The following OTOGL variants were observed in gnomAD, a reference collection of about 807,000 sequenced individuals.
OTOGL encodes otogelin-like protein.
A neutral mutation model predicts 318.5 loss-of-function variants in OTOGL; 285 were observed. That is an observed-to-expected ratio of 0.89 (90% CI 0.81 to 0.99). The LOEUF (loss-of-function observed/expected upper bound fraction) is 0.99, where lower values mean the gene tolerates loss of function less well. OTOGL is among the 50% of genes least tolerant of loss of function. The probability of loss-of-function intolerance (pLI) is 0.00; values close to 1 mark genes in which losing one functional copy is unlikely to be tolerated. For missense variants in OTOGL, 2,899 were observed against 2,845.6 expected, an observed-to-expected ratio of 1.02 and a Z score of -0.43; for synonymous variants, 987 against 936.5, an observed-to-expected ratio of 1.05 and a Z score of -0.99.
intron 1 of OTOGL, among the ~76,000 whole-genome samples, chr12:80,107,503 G>A (rs1231003252): frequency 1.3e-5 from 2 of 152,124 alleles, no homozygotes; most frequent in Admixed American, 6.5e-5. Flanking sequence ...TGCTGGTGGG[G>A]ATGTAAATTA....
chr12:80,139,601 C>T (rs941135568), intron 1 of OTOGL, among the ~76,000 whole-genome samples: 21 of 152,158 alleles, frequency 1.4e-4, no homozygotes, highest in Admixed American at 7.9e-4. Flanking sequence ...TCATATTCTG[C>T]TTTGATTTCA....
chr12:80,170,523 T>G (rs1440957067), intron 1 of OTOGL, among the ~76,000 whole-genome samples: 2 of 151,986 alleles, frequency 1.3e-5, no homozygotes, highest in African/African-American at 4.8e-5. Context: ...AACCTCTGTC[T>G]CCTGAGTTCA....
intron 35 of OTOGL, among the ~76,000 whole-genome samples, chr12:80,324,997 G>A (rs1292322229): frequency 1.3e-5 from 2 of 151,838 alleles, no homozygotes; most frequent in South Asian, 2.1e-4. Context: ...CAGAAAATAG[G>A]AAGAGACAAA....
intron 1 of OTOGL, among the ~76,000 whole-genome samples, chr12:80,129,050 C>T (rs113202014): frequency 1.2e-4 from 18 of 152,302 alleles, no homozygotes; most frequent in African/African-American, 4.1e-4. Context: ...CACTGTCCTG[C>T]ACCCACTGTC....
At chr12:80,309,071 C>A (rs913978739) in intron 29 of OTOGL, among the ~76,000 whole-genome samples, 7 of 151,872 alleles carry the variant, frequency 4.6e-5, no homozygotes, top group African/African-American at 9.7e-5. Flanking sequence ...AATTTTAAAC[C>A]GCCTCAAAAT....
intron 8 of OTOGL, among the ~76,000 whole-genome samples, chr12:80,232,081 T>C (rs1188566346): frequency 6.6e-6 from 1 of 152,226 alleles, no homozygotes; most frequent in Admixed American, 6.5e-5. Flanking sequence ...AATTGTTTAG[T>C]TCTCTTCAGT....
chr12:80,349,279 T>C (rs1889393186), intron 44 of OTOGL, among the ~76,000 whole-genome samples: 1 of 152,198 alleles, frequency 6.6e-6, no homozygotes, highest in Non-Finnish European at 1.5e-5. Context: ...CAGGTTTTTT[T>C]CTGTACATTT....
chr12:80,355,768 G>C lies in OTOGL; in HGVS notation c.5626G>C (p.Ala1876Pro), dbSNP rs761370764. ...TGATAGTGAAGACCAACCCCGCACT[G>C]CTGGGGAGATTTGGAATGGGGGCAT... ...CTDSEDQPRT[A>P]GEIWNGGIDE... Residue 1876 changes from alanine (A) to proline (P), a missense_variant, in exon 47 of 59, where the codon GCT (alanine) becomes CCT (proline). Ala to Pro is a conservative substitution (Grantham distance 27, BLOSUM62 -1). Transcript: ENST00000547103. The C allele has an allele frequency of 1.1e-5, 18 of 1,613,644 alleles. No individual in the cohort carries two copies. In the Admixed American group the frequency reaches 2.8e-4, roughly 25 times the overall value.
chr12:80,179,440 C>T (rs576952364), intron 1 of OTOGL, among the ~76,000 whole-genome samples: 1 of 152,108 alleles, frequency 6.6e-6, no homozygotes, highest in African/African-American at 2.4e-5. Context: ...TCTTAAATAC[C>T]TTTTAAAAAA....
At chr12:80,145,124 C>T (rs1872254593) in intron 1 of OTOGL, among the ~76,000 whole-genome samples, 1 of 151,220 alleles carries the variant, frequency 6.6e-6, no homozygotes, top group Admixed American at 6.6e-5. Flanking sequence ...GACATGAAGT[C>T]CTTGCCCATG....
intron 19 of OTOGL, among the ~76,000 whole-genome samples, 180 bp from the exon 20 acceptor site, chr12:80,264,821 G>A (rs1882817363): frequency 6.6e-6 from 1 of 151,950 alleles, no homozygotes; most frequent in Non-Finnish European, 1.5e-5. Context: ...TGTTGAATGT[G>A]GATTAAGTGC....
chr12:80,256,516 A>ACAAG, intron 17 of OTOGL, 56 bp downstream of exon 17: 1 of 1,512,836 alleles, frequency 6.6e-7, no homozygotes, highest in Non-Finnish European at 8.8e-7. Context: ...AAACAAACAA[A>ACAAG]CAAACAACAC....
At chr12:80,275,394 A>T (rs1347829700) in intron 24 of OTOGL, among the ~76,000 whole-genome samples, 1 of 151,948 alleles carries the variant, frequency 6.6e-6, no homozygotes, top group Non-Finnish European at 1.5e-5. Flanking sequence ...TGAAGATATG[A>T]CTGATTTGCT....
intron 22 of OTOGL, among the ~76,000 whole-genome samples, chr12:80,269,803 TTG>T (rs1445367838): frequency 6.6e-6 from 1 of 152,180 alleles, no homozygotes; most frequent in Non-Finnish European, 1.5e-5. Context: ...CATTATTTAT[TTG>T]TGTGTCTTCC....
chr12:80,322,791 G>A (rs181928620), intron 34 of OTOGL, among the ~76,000 whole-genome samples: 3 of 152,164 alleles, frequency 2.0e-5, no homozygotes, highest in Admixed American at 2.0e-4. Flanking sequence ...ATATTTTGTT[G>A]TATTCAAACA....
Position 80,377,119 on chromosome 12 carries a change from T to C in OTOGL, c.6782-4T>C, listed in dbSNP as rs770999025. The C allele has an allele frequency of 5.0e-6, 8 of 1,597,976 alleles. No homozygotes were observed. In the Admixed American group the frequency reaches 1.2e-4, roughly 24 times the overall value. On this transcript the variant is annotated splice_polypyrimidine_tract_variant and splice_region_variant and intron_variant, in intron 57 of 58. Coordinates refer to ENST00000547103, the MANE Select transcript of OTOGL (RefSeq NM_001378609.3). ...ATGAATAAATACATTTTATATTTTATCAGGCAAACGAGAAGAAAGAATATG... is the reference window on the plus strand; with the variant it reads ...ATGAATAAATACATTTTATATTTTACCAGGCAAACGAGAAGAAAGAATATG...
chr12:80,355,817 G>A lies in OTOGL; in HGVS notation c.5675G>A (p.Cys1892Tyr), dbSNP rs769702603. 1 of 1,613,932 alleles carries A rather than the reference G, an allele frequency of 6.2e-7. No individual in the cohort carries two copies. Among genetic ancestry groups the A allele is most frequent in the South Asian group, 1.1e-5 (1 of 91,090 alleles). Reference protein sequence around the residue: ...GGIDECTLYKCLENGSIIPIE... With the variant: ...GGIDECTLYKYLENGSIIPIE... ...ATTGATGAATGCACTCTATACAAAT[G>A]TTTGGAGAATGGAAGCATTATCCCT... Residue 1892 changes from cysteine to tyrosine, a missense_variant, in exon 47 of 59, where the codon TGT becomes TAT. By Grantham distance (194) the Cys-to-Tyr change is radical. This residue lies in a region of OTOGL where 2,607 missense variants were observed against 2,524.9 expected (regional missense o/e 1.03). Coordinates refer to ENST00000547103, the MANE Select transcript of OTOGL (RefSeq NM_001378609.3).
At chr12:80,362,648 C>A (rs1890304666) in intron 52 of OTOGL, among the ~76,000 whole-genome samples, 1 of 151,874 alleles carries the variant, frequency 6.6e-6, no homozygotes, top group Non-Finnish European at 1.5e-5. Context: ...TATTTGATTA[C>A]AAATTAAACA....
At chr12:80,215,872 G>T (rs1482571018) in intron 4 of OTOGL, among the ~76,000 whole-genome samples, 1 of 152,188 alleles carries the variant, frequency 6.6e-6, no homozygotes, top group Admixed American at 6.5e-5. Context: ...ATCTAATTTA[G>T]TTTGAAGGCA....
Sources: gnomAD v4.1 joint callset for allele counts (sites outside exome capture counted in the v4.1 genomes callset) on GRCh38, gnomAD v4.1.1 for gene constraint, gnomAD v4.1.1 regional missense constraint, MANE v1.5 for transcripts, NCBI Gene and HGNC (gene_info 2026-07-23, HGNC 2026-07-21) for gene names.